The following SDK2 variants were observed in gnomAD, a reference collection of about 807,000 sequenced individuals.
SDK2 encodes protein sidekick-2.
In SDK2, 105 loss-of-function variants were observed where a neutral mutation model predicts 253.9. The ratio of observed to expected loss-of-function variants is 0.41; its 90% CI spans 0.35 to 0.49. SDK2 has a LOEUF of 0.49. Among genes scored for constraint, SDK2 ranks in the 20% least tolerant of loss-of-function variants. The probability of loss-of-function intolerance (pLI) is 0.06; values close to 1 mark genes in which losing one functional copy is unlikely to be tolerated. For synonymous variants in SDK2, 1,249 were observed against 1,234.9 expected, an observed-to-expected ratio of 1.01 and a Z score of -0.24; for missense variants, 2,608 against 3,003.0, an observed-to-expected ratio of 0.87 and a Z score of 3.07.
chr17:73,594,152 G>A (rs921913021), intron 1 of SDK2, among the ~76,000 whole-genome samples: 6 of 152,220 alleles, frequency 3.9e-5, no homozygotes, highest in African/African-American at 1.4e-4. Flanking sequence ...GCCAGCAGGT[G>A]GTTCACTCTG....
intron 2 of SDK2, among the ~76,000 whole-genome samples, chr17:73,491,616 C>A (rs1004111323): frequency 2.6e-5 from 4 of 152,230 alleles, no homozygotes; most frequent in Non-Finnish European, 5.9e-5. Flanking sequence ...GCCACTGTGC[C>A]TGGCCCCTCT....
At chr17:73,468,380 T>C (rs2063618684) in intron 3 of SDK2, among the ~76,000 whole-genome samples, 1 of 152,164 alleles carries the variant, frequency 6.6e-6, no homozygotes. Context: ...ATATTATTAA[T>C]ACATTTTAGG....
intron 18 of SDK2, among the ~76,000 whole-genome samples, chr17:73,405,502 ATATATATATAT>A (rs1568385726): frequency 0.027 from 2,677 of 99,620 alleles, 563 homozygotes; most frequent in Non-Finnish European, 0.037. Flanking sequence ...ATATATATAT[ATATATATATAT>A]ATATAAAGAT....
chr17:73,534,361 T>C lies in SDK2; in HGVS notation c.65-26764A>G, dbSNP rs1233649135. 6.6e-6 allele frequency among the ~76,000 whole-genome samples: 1 copy of C among 152,006 alleles called. No individual in the cohort carries two copies. Among genetic ancestry groups the C allele is most frequent in the Non-Finnish European group, 1.5e-5 (1 of 68,022 alleles). ...TCCATGATTCTGAGGAAGGTGGCACTGGGCAAGGCAGGGACCAGGAAAAAA... is the reference window on the plus strand; with the variant it reads ...TCCATGATTCTGAGGAAGGTGGCACCGGGCAAGGCAGGGACCAGGAAAAAA... On this transcript the variant is annotated intron_variant, in intron 1 of 44. Coordinates refer to ENST00000392650, the MANE Select transcript of SDK2 (RefSeq NM_001144952.2). The surrounding 1 kb of genome is among the most constrained non-coding windows in gnomAD (Gnocchi z 4.9).
In SDK2 at chr17:73,334,665, T is replaced by G. The variant is rs892381486; in HGVS notation, c.*3922A>C. 2.0e-5 allele frequency: 3 copies of G among 152,172 alleles called. No homozygotes were observed. The highest frequency in any genetic ancestry group is 4.4e-5 in the Non-Finnish European group (3 of 68,030). 9.4% of individuals were successfully genotyped at this position (152,172 alleles called of 1,614,324 possible). On this transcript the variant is annotated 3_prime_UTR_variant, in exon 45 of 45. Transcript: ENST00000392650. The stretch of plus-strand genomic sequence containing the variant: ...TAGATGGATGGAGAAAGGTAACACG[T>G]TTAAATGCTTTTGGTTATTCTGATG...
At chr17:73,535,359 G>C (rs2044756322) in intron 1 of SDK2, among the ~76,000 whole-genome samples, 1 of 152,144 alleles carries the variant, frequency 6.6e-6, no homozygotes, top group Non-Finnish European at 1.5e-5. Flanking sequence ...CTCCCTCCTG[G>C]TGTCGCTGAC....
At chr17:73,550,030 T>C (rs2045029428) in intron 1 of SDK2, among the ~76,000 whole-genome samples, 1 of 152,160 alleles carries the variant, frequency 6.6e-6, no homozygotes, top group Non-Finnish European at 1.5e-5. Context: ...CCCGCTGCTC[T>C]GCACTGTGTC....
At chr17:73,437,374 C>T (rs1393013786) in intron 8 of SDK2, among the ~76,000 whole-genome samples, 1 of 152,074 alleles carries the variant, frequency 6.6e-6, no homozygotes, top group African/African-American at 2.4e-5. Flanking sequence ...ACAGGCTGAG[C>T]TTATAAGACA....
chr17:73,354,473 A>G (rs59552028), intron 40 of SDK2, among the ~76,000 whole-genome samples: 14,432 of 152,216 alleles, frequency 0.095, 778 homozygotes, highest in South Asian at 0.21. Flanking sequence ...CCCTGGCTGC[A>G]TGCTCTGGGT....
chr17:73,457,920 C>T (rs973006809), intron 3 of SDK2, among the ~76,000 whole-genome samples: 1 of 152,118 alleles, frequency 6.6e-6, no homozygotes, highest in Non-Finnish European at 1.5e-5. Flanking sequence ...CCTTGAGGAC[C>T]CTTTAATATT....
intron 1 of SDK2, among the ~76,000 whole-genome samples, chr17:73,514,796 G>A (rs879796196): frequency 6.6e-6 from 1 of 152,130 alleles, no homozygotes; most frequent in African/African-American, 2.4e-5. Context: ...GGGATTTCTA[G>A]ACTCGCAAAC....
Position 73,575,649 on chromosome 17 carries a change from T to G in SDK2, c.65-68052A>C, listed in dbSNP as rs541706377. Among the ~76,000 whole-genome samples the G allele has an allele frequency of 4.6e-5, 7 of 152,370 alleles. No homozygotes were observed. In the South Asian group the frequency reaches 1.2e-3, roughly 27 times the overall value. On this transcript the variant is annotated intron_variant, in intron 1 of 44. Coordinates refer to ENST00000392650, the MANE Select transcript of SDK2 (RefSeq NM_001144952.2). Reference sequence around the variant, plus strand: ...TCAGGATTAAACGAGTTAATATGTGTAAAGCATGTAGGATTGCGTCTGGCA... The same window carrying G: ...TCAGGATTAAACGAGTTAATATGTGGAAAGCATGTAGGATTGCGTCTGGCA...
chr17:73,599,204 G>A (rs1417702683), intron 1 of SDK2, among the ~76,000 whole-genome samples: 1 of 152,210 alleles, frequency 6.6e-6, no homozygotes, highest in Non-Finnish European at 1.5e-5. Flanking sequence ...TACAGAAGGA[G>A]GAAGGTAGGT....
intron 2 of SDK2, among the ~76,000 whole-genome samples, chr17:73,487,114 A>T (rs2063774351): frequency 6.6e-6 from 1 of 151,962 alleles, no homozygotes; most frequent in Non-Finnish European, 1.5e-5. Flanking sequence ...TTGTATTTTT[A>T]GTAGAGATGG....
chr17:73,371,954 C>T (rs571979702), intron 36 of SDK2, among the ~76,000 whole-genome samples: 20 of 20,452 alleles, frequency 9.8e-4, no homozygotes, highest in African/African-American at 1.6e-3. Flanking sequence ...AGCGAGAGTC[C>T]GTTAAAAAAA....
intron 40 of SDK2, among the ~76,000 whole-genome samples, chr17:73,354,298 C>T (rs1317559970): frequency 6.6e-6 from 1 of 152,252 alleles, no homozygotes; most frequent in African/African-American, 2.4e-5. Context: ...CTCAGATCCC[C>T]TTCCCCTCTT....
At chr17:73,585,362 G>T (rs758398408) in intron 1 of SDK2, among the ~76,000 whole-genome samples, 5 of 152,302 alleles carry the variant, frequency 3.3e-5, no homozygotes, top group African/African-American at 7.2e-5. Context: ...GGTGTGCCAC[G>T]GATAACACAG....
intron 1 of SDK2, among the ~76,000 whole-genome samples, chr17:73,561,082 C>T (rs2045225677): frequency 6.6e-6 from 1 of 152,240 alleles, no homozygotes; most frequent in Non-Finnish European, 1.5e-5. Flanking sequence ...CCTGGTCACT[C>T]TGCCCAAGCT....
chr17:73,422,852 T>C (rs2063244122), intron 14 of SDK2, among the ~76,000 whole-genome samples: 1 of 151,962 alleles, frequency 6.6e-6, no homozygotes, highest in African/African-American at 2.4e-5. Flanking sequence ...TGAAATCCCA[T>C]CTCTACTAAA....
Sources: allele counts gnomAD v4.1 joint callset (sites outside exome capture counted in the v4.1 genomes callset), GRCh38; gene constraint gnomAD v4.1.1; non-coding constraint Gnocchi (gnomAD v3.1); transcripts MANE v1.5; gene names NCBI Gene and HGNC (gene_info 2026-07-23, HGNC 2026-07-21).